The following PCDH9 variants were observed in gnomAD, a reference collection of about 807,000 sequenced individuals.
PCDH9 encodes the protein protocadherin 9.
In PCDH9, 24 loss-of-function variants were observed where a neutral mutation model predicts 70.6. The ratio of observed to expected loss-of-function variants is 0.34; its 90% CI spans 0.25 to 0.48. The LOEUF (loss-of-function observed/expected upper bound fraction) is 0.48, where lower values mean the gene tolerates loss of function less well. Among genes scored for constraint, PCDH9 ranks in the 20% least tolerant of loss-of-function variants. The pLI, the probability that PCDH9 is intolerant of heterozygous loss-of-function variation, is 0.99. For missense variants in PCDH9, 1,281 were observed against 1,503.6 expected (o/e 0.85, Z 2.45); for synonymous variants, 562 against 558.5 (o/e 1.01, Z -0.09).
intron 4 of PCDH9, among the ~76,000 whole-genome samples, chr13:66,551,045 G>A (rs889884202): frequency 5.3e-5 from 8 of 152,092 alleles, no homozygotes; most frequent in Non-Finnish European, 1.2e-4. Flanking sequence ...TTCCAGCTGG[G>A]GATTTCAAGT....
At chr13:67,166,702 A>G (rs532823408) in intron 2 of PCDH9, among the ~76,000 whole-genome samples, 1 of 152,206 alleles carries the variant, frequency 6.6e-6, no homozygotes, top group Admixed American at 6.5e-5. Context: ...TTATATTATT[A>G]CGGTGGTAGT....
chr13:66,990,806 A>G (rs968372903), intron 2 of PCDH9: 2 of 151,770 alleles, frequency 1.3e-5, no homozygotes, highest in African/African-American at 4.8e-5. Context: ...TCCAGCAGAT[A>G]ATCAATATAT....
chr13:66,896,421 T>C (rs998156644), intron 3 of PCDH9, among the ~76,000 whole-genome samples: 3 of 150,984 alleles, frequency 2.0e-5, no homozygotes, highest in African/African-American at 7.3e-5. Flanking sequence ...ATTCTGCACA[T>C]GTATCCCAGA....
At chr13:67,019,607 G>A (rs1299105512) in intron 2 of PCDH9, among the ~76,000 whole-genome samples, 1 of 152,188 alleles carries the variant, frequency 6.6e-6, no homozygotes, top group East Asian at 1.9e-4. Context: ...AATGAGGGAA[G>A]GCACTGTAGT....
At chr13:66,324,233 G>T (rs1401258772) in intron 4 of PCDH9, among the ~76,000 whole-genome samples, 1 of 151,918 alleles carries the variant, frequency 6.6e-6, no homozygotes, top group African/African-American at 2.4e-5. Flanking sequence ...TACCTTAGGG[G>T]TCCTGCTATA....
intron 4 of PCDH9, among the ~76,000 whole-genome samples, chr13:66,530,745 G>A (rs1056808072): frequency 1.3e-4 from 20 of 152,106 alleles, no homozygotes; most frequent in African/African-American, 4.3e-4. Context: ...AAAAATAGAT[G>A]TTTTATCCAG....
At chr13:66,969,027 C>T (rs185887560) in intron 2 of PCDH9, among the ~76,000 whole-genome samples, 81 of 152,074 alleles carry the variant, frequency 5.3e-4, no homozygotes, top group Non-Finnish European at 5.2e-4. Context: ...GCATATTCAT[C>T]TATTTGTTTC....
intron 2 of PCDH9, among the ~76,000 whole-genome samples, chr13:66,920,630 G>A (rs2082622986): frequency 6.6e-6 from 1 of 150,980 alleles, no homozygotes; most frequent in African/African-American, 2.4e-5. Context: ...AATTGTTGAG[G>A]CAAAAACAAA....
intron 3 of PCDH9, among the ~76,000 whole-genome samples, chr13:66,784,951 T>C (rs2139306214): frequency 6.6e-6 from 1 of 152,174 alleles, no homozygotes. Flanking sequence ...CTTTAAAGGG[T>C]TCTTCTGCAT....
intron 2 of PCDH9, among the ~76,000 whole-genome samples, chr13:67,107,180 T>C (rs2086563404): frequency 1.3e-5 from 2 of 151,496 alleles, no homozygotes; most frequent in South Asian, 4.2e-4. Context: ...CTTATGGTGC[T>C]TTTCATGGAT....
chr13:66,337,028 G>A (rs1043526759), intron 4 of PCDH9, among the ~76,000 whole-genome samples: 3 of 151,548 alleles, frequency 2.0e-5, no homozygotes, highest in African/African-American at 7.3e-5. Flanking sequence ...CTTTCCCTTA[G>A]GGAATGTTTC....
At chr13:66,999,623 A>C (rs2084197443) in intron 2 of PCDH9, among the ~76,000 whole-genome samples, 1 of 151,814 alleles carries the variant, frequency 6.6e-6, no homozygotes, top group Non-Finnish European at 1.5e-5. Context: ...AATGAACTCA[A>C]ACAAATTTAC....
rs953050204 is a variant in PCDH9 at position 67,166,890 on chromosome 13, C to T, written c.3036+58515G>A. 3.9e-5 allele frequency among the ~76,000 whole-genome samples: 6 copies of T among 152,052 alleles called. 1 individual carries two copies. Among genetic ancestry groups the T allele is most frequent in the South Asian group, 4.2e-4 (2 of 4,814 alleles). On this transcript the variant is annotated intron_variant, in intron 2 of 4. Transcript: ENST00000377865. ...ATATTTTTTTCATTGGTAAACTAAC[C>T]GTGGAAAGGGAATTTGCCTGACATT...
intron 4 of PCDH9, among the ~76,000 whole-genome samples, chr13:66,599,605 G>A (rs1593756923): frequency 1.3e-5 from 2 of 150,724 alleles, no homozygotes; most frequent in African/African-American, 4.9e-5. Context: ...AGAGTGCAGT[G>A]GCACAATCAC....
At chr13:66,969,193 A>AT (rs1747363376) in intron 2 of PCDH9, among the ~76,000 whole-genome samples, 1 of 152,084 alleles carries the variant, frequency 6.6e-6, no homozygotes, top group Admixed American at 6.6e-5. Flanking sequence ...TTGATTTTTG[A>AT]TTTTTTTAAC....
At chr13:66,634,162 T>C (rs569212892) in intron 3 of PCDH9, among the ~76,000 whole-genome samples, 2 of 152,208 alleles carry the variant, frequency 1.3e-5, no homozygotes, top group Admixed American at 6.5e-5. Flanking sequence ...TGGAGGCTTA[T>C]GAAAATCTTT....
intron 3 of PCDH9, among the ~76,000 whole-genome samples, chr13:66,855,551 T>C (rs897043576): frequency 4.6e-5 from 7 of 152,036 alleles, no homozygotes; most frequent in Admixed American, 4.6e-4. Flanking sequence ...GCTCTTTAAC[T>C]GACAAAGTAC....
At chr13:66,989,734 G>A (rs999296122) in intron 2 of PCDH9, among the ~76,000 whole-genome samples, 1 of 151,824 alleles carries the variant, frequency 6.6e-6, no homozygotes, top group African/African-American at 2.4e-5. Flanking sequence ...GTGACAGAAT[G>A]TCTAATTGAA....
At chr13:66,515,615 T>C (rs1402833946) in intron 4 of PCDH9, among the ~76,000 whole-genome samples, 1 of 151,974 alleles carries the variant, frequency 6.6e-6, no homozygotes, top group Non-Finnish European at 1.5e-5. Flanking sequence ...AAAATGTTAA[T>C]ATCTGCTAGG....
Sources: allele counts gnomAD v4.1 joint callset (sites outside exome capture counted in the v4.1 genomes callset), GRCh38; gene constraint gnomAD v4.1.1; transcripts MANE v1.5; gene names NCBI Gene and HGNC (gene_info 2026-07-23, HGNC 2026-07-21).